AUTS2: variants seen among roughly 807,000 people sequenced by gnomAD.
AUTS2 encodes activator of transcription and developmental regulator AUTS2.
Under a neutral mutation model 112.4 loss-of-function variants are expected in AUTS2, and 17 were observed. The observed-to-expected ratio is 0.15, with a 90% CI of 0.10 to 0.23. AUTS2 has a LOEUF of 0.23. Ranked by LOEUF, AUTS2 falls within the 10% of genes least tolerant of loss-of-function variation. The pLI, the probability that AUTS2 is intolerant of heterozygous loss-of-function variation, is 1.00. For missense variants in AUTS2, 1,510 were observed against 1,701.6 expected (o/e 0.89, Z 1.98); for synonymous variants, 751 against 702.7 (o/e 1.07, Z -1.09).
At chr7:70,137,288 G>A (rs556642059) in intron 4 of AUTS2, among the ~76,000 whole-genome samples, 1 of 152,146 alleles carries the variant, frequency 6.6e-6, no homozygotes, top group South Asian at 2.1e-4. Context: ...GGGAGCTTTT[G>A]AATAATGTGG....
At chr7:69,916,260 C>A (rs1021089060) in intron 2 of AUTS2, among the ~76,000 whole-genome samples, 22 of 152,200 alleles carry the variant, frequency 1.4e-4, no homozygotes, top group African/African-American at 5.1e-4. Context: ...ATAACATTCA[C>A]TCCTCCAAGG....
intron 4 of AUTS2, among the ~76,000 whole-genome samples, chr7:70,413,252 A>G (rs1297229468): frequency 4.6e-5 from 7 of 152,180 alleles, no homozygotes; most frequent in Admixed American, 4.6e-4. Flanking sequence ...TTCTGAAATG[A>G]CTATCTCACC....
At chr7:70,485,176 C>T (rs1797935645) in intron 5 of AUTS2, among the ~76,000 whole-genome samples, 2 of 152,112 alleles carry the variant, frequency 1.3e-5, no homozygotes, top group Non-Finnish European at 1.5e-5. Flanking sequence ...AGACATGGCG[C>T]ACACATATGT....
At chr7:70,348,741 G>A (rs1217058421) in intron 4 of AUTS2, among the ~76,000 whole-genome samples, 2 of 152,154 alleles carry the variant, frequency 1.3e-5, no homozygotes, top group Non-Finnish European at 1.5e-5. Flanking sequence ...ACCCCGGGAG[G>A]CGTTGCTTGC....
intron 4 of AUTS2, among the ~76,000 whole-genome samples, chr7:70,249,253 C>T (rs1018526112): frequency 5.3e-5 from 8 of 152,034 alleles, no homozygotes; most frequent in African/African-American, 1.9e-4. Flanking sequence ...GCGTAACCTG[C>T]TTAGGATTTG....
intron 4 of AUTS2, among the ~76,000 whole-genome samples, chr7:70,256,281 T>C (rs6969375): frequency 0.3 from 45,651 of 152,068 alleles, 7,116 homozygotes; most frequent in Middle Eastern, 0.38. Context: ...ATTTGCAGTG[T>C]GTTGGGTTAA....
At chr7:70,377,330 ATATATATATATATATATAT>A (rs1562922126) in intron 4 of AUTS2, among the ~76,000 whole-genome samples, 2 of 23,114 alleles carry the variant, frequency 8.7e-5, no homozygotes, top group African/African-American at 3.7e-4. Flanking sequence ...ATATAAATAT[ATATATATATATATATATAT>A]ATATATATAT....
chr7:70,716,916 A>AT (rs1166151427), intron 6 of AUTS2, among the ~76,000 whole-genome samples: 1 of 152,128 alleles, frequency 6.6e-6, no homozygotes, highest in African/African-American at 2.4e-5. Flanking sequence ...TATATGTCTA[A>AT]TCAATAAACA....
intron 1 of AUTS2, among the ~76,000 whole-genome samples, chr7:69,839,331 GTCT>G (rs1365822793): frequency 1.3e-5 from 2 of 152,080 alleles, no homozygotes; most frequent in Admixed American, 1.3e-4. Flanking sequence ...CTGTGATCTA[GTCT>G]TCTCTCTGTG....
At chr7:69,982,946 T>G (rs1478285294) in intron 2 of AUTS2, among the ~76,000 whole-genome samples, 1 of 152,200 alleles carries the variant, frequency 6.6e-6, no homozygotes, top group Non-Finnish European at 1.5e-5. Flanking sequence ...GAAGAGCCAT[T>G]TAGTTCAATC....
intron 1 of AUTS2, among the ~76,000 whole-genome samples, chr7:69,874,609 G>C (rs1180357092): frequency 1.3e-5 from 2 of 152,100 alleles, no homozygotes; most frequent in Admixed American, 6.6e-5. Flanking sequence ...AGATGGCGGA[G>C]ATTAAGAAGG....
At chr7:70,696,390 C>G (rs1326200121) in intron 5 of AUTS2, among the ~76,000 whole-genome samples, 1 of 152,168 alleles carries the variant, frequency 6.6e-6, no homozygotes, top group South Asian at 2.1e-4. Context: ...TGAGACACCC[C>G]CTTTCCCAGT....
intron 4 of AUTS2, among the ~76,000 whole-genome samples, chr7:70,404,173 G>T (rs533041511): frequency 6.6e-6 from 1 of 152,294 alleles, no homozygotes; most frequent in South Asian, 2.1e-4. Flanking sequence ...AGAGGGTGTT[G>T]TGGAGGTGAC....
At chr7:70,409,630 G>C (rs1247217347) in intron 4 of AUTS2, among the ~76,000 whole-genome samples, 1 of 152,094 alleles carries the variant, frequency 6.6e-6, no homozygotes. Flanking sequence ...TTAATGGGAG[G>C]GGAAAGCCTA....
chr7:70,163,561 G>A lies in AUTS2; in HGVS notation c.660+28990G>A, dbSNP rs150328697. Among the ~76,000 whole-genome samples the A allele has an allele frequency of 5.1e-4, 78 of 152,198 alleles. No individual in the cohort carries two copies. In the Middle Eastern group the frequency reaches 0.01, roughly 20 times the overall value. On this transcript the variant is annotated intron_variant, in intron 4 of 18. Coordinates refer to ENST00000342771, the MANE Select transcript of AUTS2 (RefSeq NM_015570.4). ...AGTCCTAACAAAGATTAGCTGCTGT[G>A]GGGGAAGGACTATGAATCTCCCCCT...
intron 5 of AUTS2, among the ~76,000 whole-genome samples, chr7:70,627,309 GTGTC>G (rs1246041693): frequency 6.6e-6 from 1 of 152,158 alleles, no homozygotes; most frequent in East Asian, 1.9e-4. Flanking sequence ...CTTTTGAAAA[GTGTC>G]TGTGTGTTTT....
chr7:70,388,008 A>G (rs932129376), intron 4 of AUTS2, among the ~76,000 whole-genome samples: 7 of 152,100 alleles, frequency 4.6e-5, no homozygotes, highest in Non-Finnish European at 7.4e-5. Flanking sequence ...CCATTCCTTC[A>G]TATTCTGTAT....
intron 4 of AUTS2, among the ~76,000 whole-genome samples, chr7:70,388,750 G>A (rs1380992672): frequency 6.6e-6 from 1 of 152,192 alleles, no homozygotes; most frequent in Non-Finnish European, 1.5e-5. Flanking sequence ...CAGTTTTAAT[G>A]ACTTAATTAA....
chr7:69,903,916 G>T (rs541286941), intron 2 of AUTS2, among the ~76,000 whole-genome samples: 1 of 152,260 alleles, frequency 6.6e-6, no homozygotes, highest in South Asian at 2.1e-4. Flanking sequence ...ATAAAAATTT[G>T]CTCTTCTCTC....
Sources: gnomAD v4.1 joint callset for allele counts (sites outside exome capture counted in the v4.1 genomes callset) on GRCh38, gnomAD v4.1.1 for gene constraint, MANE v1.5 for transcripts, NCBI Gene and HGNC (gene_info 2026-07-23, HGNC 2026-07-21) for gene names.